Variants in ESR1 observed in about 807,000 individuals in gnomAD.
ESR1 encodes the protein estrogen receptor 1.
A neutral mutation model predicts 52.7 loss-of-function variants in ESR1; 12 were observed. The observed-to-expected ratio is 0.23, with a 90% CI of 0.15 to 0.37. The LOEUF (loss-of-function observed/expected upper bound fraction) is 0.37, where lower values mean the gene tolerates loss of function less well. ESR1 is among the 10% of genes least tolerant of loss of function. The probability of loss-of-function intolerance (pLI) is 1.00; values close to 1 mark genes in which losing one functional copy is unlikely to be tolerated. For missense variants in ESR1, 584 were observed against 779.7 expected (o/e 0.75, Z 2.99); for synonymous variants, 305 against 316.8 (o/e 0.96, Z 0.39).
At chr6:151,962,659 G>T (rs1337368389) in intron 4 of ESR1, among the ~76,000 whole-genome samples, 1 of 152,126 alleles carries the variant, frequency 6.6e-6, no homozygotes, top group Non-Finnish European at 1.5e-5. Flanking sequence ...CCCCTATCTC[G>T]CCCAAGCCTT....
intron 6 of ESR1, among the ~76,000 whole-genome samples, chr6:152,117,526 G>A (rs930330635): frequency 6.6e-6 from 1 of 152,186 alleles, no homozygotes; most frequent in Non-Finnish European, 1.5e-5. Flanking sequence ...AACAGGTTAA[G>A]CAAATTCATG....
At chr6:152,019,605 A>G (rs2043454967) in intron 5 of ESR1, among the ~76,000 whole-genome samples, 1 of 152,228 alleles carries the variant, frequency 6.6e-6, no homozygotes, top group Admixed American at 6.5e-5. Context: ...TTTACACACC[A>G]CATTATGTTT....
chr6:151,880,545 A>C, intron 2 of ESR1, 110 bp from the exon 3 acceptor site: 2 of 782,214 alleles, frequency 2.6e-6, no homozygotes, highest in Non-Finnish European at 4.6e-6. Context: ...GGAGCAACAT[A>C]GTAAGGCTGA....
intron 5 of ESR1, among the ~76,000 whole-genome samples, chr6:152,052,665 A>G (rs2046781440): frequency 6.6e-6 from 1 of 152,118 alleles, no homozygotes; most frequent in Admixed American, 6.5e-5. Flanking sequence ...CATATAACCC[A>G]AAGGAGGAAA....
At chr6:151,913,963 A>AT (rs888242475) in intron 3 of ESR1, among the ~76,000 whole-genome samples, 5 of 152,146 alleles carry the variant, frequency 3.3e-5, no homozygotes, top group South Asian at 2.1e-4. Flanking sequence ...CAGAACTTAG[A>AT]TTTTTTCTTC....
chr6:151,825,910 CAA>C (rs3996305), intron 1 of ESR1, among the ~76,000 whole-genome samples: 20 of 78,120 alleles, frequency 2.6e-4, no homozygotes, highest in African/African-American at 9.0e-4. Flanking sequence ...GACTCCATCT[CAA>C]AAAAAAAAAA....
rs756751297 is a variant in ESR1 at position 151,808,099 on chromosome 6, A to G, written c.187A>G (p.Asn63Asp). The change falls in exon 1 of 8, where the codon AAC (asparagine) becomes GAC (aspartate). Residue 63 changes from asparagine to aspartate, a missense_variant. Asn to Asp is a conservative substitution (Grantham distance 23). Coordinates refer to ENST00000206249, the MANE Select transcript of ESR1 (RefSeq NM_000125.4). ...CCCCGAGGGCGCCGCCTACGAGTTC[A>G]ACGCCGCGGCCGCCGCCAACGCGCA... ...NYPEGAAYEF[N>D]AAAAANAQVY... 25 of 1,612,084 alleles carry G rather than the reference A, an allele frequency of 1.6e-5. No homozygotes were observed. The highest frequency in any genetic ancestry group is 2.1e-5 in the Non-Finnish European group (25 of 1,179,558).
intron 4 of ESR1, among the ~76,000 whole-genome samples, chr6:152,005,735 AC>A (rs1336004682): frequency 6.6e-6 from 1 of 152,044 alleles, no homozygotes; most frequent in Non-Finnish European, 1.5e-5. Context: ...ATGGCTGTAG[AC>A]CACAGAAGAA....
intron 2 of ESR1, among the ~76,000 whole-genome samples, chr6:151,873,465 G>T (rs1160426466): frequency 1.3e-5 from 2 of 152,162 alleles, no homozygotes; most frequent in Admixed American, 6.5e-5. Context: ...ATTACCCCCA[G>T]ATAGGAAGTG....
intron 4 of ESR1, among the ~76,000 whole-genome samples, chr6:151,978,546 G>A (rs754453434): frequency 6.6e-6 from 1 of 151,994 alleles, no homozygotes; most frequent in African/African-American, 2.4e-5. Flanking sequence ...AAAGTAAAAA[G>A]AATTTCACAC....
chr6:151,817,120 A>G (rs998295385), intron 1 of ESR1, among the ~76,000 whole-genome samples: 1 of 152,220 alleles, frequency 6.6e-6, no homozygotes, highest in African/African-American at 2.4e-5. Context: ...CTTAGGGAGC[A>G]TCTACAAGGA....
chr6:151,825,215 G>A (rs1209860190), intron 1 of ESR1, among the ~76,000 whole-genome samples: 1 of 152,248 alleles, frequency 6.6e-6, no homozygotes, highest in African/African-American at 2.4e-5. Context: ...CTTTGGGGGT[G>A]GCTGCCTTGG....
At chr6:151,665,801 T>C (rs1178286738) in intron 1 of ESR1, among the ~76,000 whole-genome samples, 2 of 152,226 alleles carry the variant, frequency 1.3e-5, no homozygotes, top group African/African-American at 4.8e-5. Flanking sequence ...TATTTTCTCT[T>C]AGGAATATAG....
intron 2 of ESR1, among the ~76,000 whole-genome samples, chr6:151,849,833 A>G (rs949777213): frequency 1.8e-4 from 27 of 150,756 alleles, no homozygotes; most frequent in Non-Finnish European, 3.2e-4. Context: ...TGAGTAAGCC[A>G]GCTTTGAGAG....
chr6:151,703,034 G>T (rs951842716), intron 2 of ESR1, among the ~76,000 whole-genome samples: 2 of 152,194 alleles, frequency 1.3e-5, no homozygotes, highest in African/African-American at 4.8e-5. Context: ...GAGGGGTTGG[G>T]TGTAGGACCT....
At chr6:152,040,924 T>C (rs757167306) in intron 5 of ESR1, among the ~76,000 whole-genome samples, 11 of 152,328 alleles carry the variant, frequency 7.2e-5, no homozygotes, top group South Asian at 2.1e-4. Flanking sequence ...TGCTTGAGCC[T>C]GATCATGTAT....
At chr6:152,096,664 C>A (rs1231502543) in intron 7 of ESR1, 1 of 455,914 alleles carries the variant, frequency 2.2e-6, no homozygotes, top group Non-Finnish European at 4.4e-6. Flanking sequence ...TCAGGGTTCC[C>A]CAAGGATTCC....
intron 1 of ESR1, among the ~76,000 whole-genome samples, chr6:151,819,194 C>T (rs576713726): frequency 3.3e-5 from 5 of 152,288 alleles, no homozygotes; most frequent in South Asian, 2.1e-4. Flanking sequence ...GGCATTTGTT[C>T]GGTGTGCATT....
At chr6:151,861,107 C>A (rs1047540869) in intron 2 of ESR1, among the ~76,000 whole-genome samples, 9 of 152,022 alleles carry the variant, frequency 5.9e-5, no homozygotes, top group African/African-American at 1.9e-4. Context: ...AGGTAAACAA[C>A]TTTAAATTAA....
Sources: gnomAD v4.1 joint callset for allele counts (sites outside exome capture counted in the v4.1 genomes callset) on GRCh38, gnomAD v4.1.1 for gene constraint, MANE v1.5 for transcripts, NCBI Gene and HGNC (gene_info 2026-07-23, HGNC 2026-07-21) for gene names.